The following CNTNAP5 variants were observed in gnomAD, a reference collection of about 807,000 sequenced individuals.
The protein encoded by CNTNAP5 is contactin-associated protein-like 5.
In CNTNAP5, 72 loss-of-function variants were observed where a neutral mutation model predicts 150.2. That is an observed-to-expected ratio of 0.48 (90% CI 0.40 to 0.58). The LOEUF (loss-of-function observed/expected upper bound fraction) is 0.58, where lower values mean the gene tolerates loss of function less well. Ranked by LOEUF, CNTNAP5 falls within the 20% of genes least tolerant of loss-of-function variation. The pLI, the probability that CNTNAP5 is intolerant of heterozygous loss-of-function variation, is 0.00. For synonymous variants in CNTNAP5, 672 were observed against 619.8 expected (o/e 1.08, Z -1.25); for missense variants, 1,636 against 1,626.2 (o/e 1.01, Z -0.10).
At chr2:124,772,337 T>C (rs902371712) in intron 16 of CNTNAP5, among the ~76,000 whole-genome samples, 24 of 152,274 alleles carry the variant, frequency 1.6e-4, no homozygotes, top group African/African-American at 5.1e-4. Context: ...TTCTGAGCTT[T>C]TTTCATTATG....
intron 10 of CNTNAP5, among the ~76,000 whole-genome samples, chr2:124,557,422 G>T (rs1049432976): frequency 3.3e-5 from 5 of 152,120 alleles, no homozygotes; most frequent in African/African-American, 1.2e-4. Context: ...AATAGTAAAT[G>T]GGTGAAGGCC....
chr2:124,554,422 C>CCT (rs1553479029), intron 10 of CNTNAP5, among the ~76,000 whole-genome samples: 1 of 137,132 alleles, frequency 7.3e-6, no homozygotes, highest in African/African-American at 2.7e-5. Context: ...ATACTTTTTT[C>CCT]TTTTTTTTTT....
chr2:124,691,909 C>A (rs1277066704), intron 13 of CNTNAP5, among the ~76,000 whole-genome samples: 1 of 152,138 alleles, frequency 6.6e-6, no homozygotes, highest in Non-Finnish European at 1.5e-5. Flanking sequence ...TCCCCATGAG[C>A]CTAGGCTGCC....
intron 13 of CNTNAP5, among the ~76,000 whole-genome samples, chr2:124,685,756 G>GTA: frequency 7.9e-6 from 1 of 126,578 alleles, no homozygotes; most frequent in African/African-American, 2.9e-5. Flanking sequence ...GTGTGTGTGT[G>GTA]TGTGTGCGCG....
In CNTNAP5 at chr2:124,243,256, C is replaced by T. The variant is rs72962842; in HGVS notation, c.381+863C>T. Among the ~76,000 whole-genome samples, 1,286 of 152,182 alleles carry T rather than the reference C, an allele frequency of 8.5e-3. 17 individuals are homozygous for T. Among genetic ancestry groups the T allele is most frequent in the African/African-American group, 0.029 (1,205 of 41,520 alleles). ...CAAATGTGTGTAAAATGTGAAGATA[C>T]GGAAATTAATAGCATATTCTTTCCT... On this transcript the variant is annotated intron_variant, in intron 3 of 23. Transcript: ENST00000682447.
At chr2:124,869,118 T>G (rs1049124110) in intron 20 of CNTNAP5, among the ~76,000 whole-genome samples, 1 of 152,168 alleles carries the variant, frequency 6.6e-6, no homozygotes, top group Non-Finnish European at 1.5e-5. Flanking sequence ...ATCGTCCATG[T>G]TGGTTGCAGC....
chr2:124,828,801 T>C (rs533237125), intron 19 of CNTNAP5, among the ~76,000 whole-genome samples: 1 of 145,132 alleles, frequency 6.9e-6, no homozygotes, highest in Non-Finnish European at 1.5e-5. Context: ...AAAGTAAGTT[T>C]TGTTCAAAAG....
At chr2:124,043,269 C>T (rs1029652605) in intron 1 of CNTNAP5, among the ~76,000 whole-genome samples, 2 of 152,142 alleles carry the variant, frequency 1.3e-5, no homozygotes, top group African/African-American at 4.8e-5. Context: ...TTCTATTTTA[C>T]TTAACCTCCT....
chr2:124,252,410 T>A (rs1227426024), intron 3 of CNTNAP5, among the ~76,000 whole-genome samples: 1 of 152,160 alleles, frequency 6.6e-6, no homozygotes, highest in East Asian at 1.9e-4. Context: ...TAGGTGTATA[T>A]AGGTTAGTTC....
At chr2:124,053,262 A>G (rs1043079072) in intron 1 of CNTNAP5, among the ~76,000 whole-genome samples, 1 of 152,224 alleles carries the variant, frequency 6.6e-6, no homozygotes, top group Non-Finnish European at 1.5e-5. Flanking sequence ...ACCAAAAATC[A>G]TCAGATTCAG....
intron 3 of CNTNAP5, among the ~76,000 whole-genome samples, chr2:124,407,720 G>C (rs1224330530): frequency 6.6e-6 from 1 of 152,112 alleles, no homozygotes; most frequent in African/African-American, 2.4e-5. Flanking sequence ...AGATCATCTG[G>C]GTTCTAGGTG....
rs1175883350 is a variant in CNTNAP5 at position 124,832,950 on chromosome 2, T to TC, written c.3218-32351dup. 3.3e-5 allele frequency among the ~76,000 whole-genome samples: 5 copies of TC among 150,800 alleles called. No individual in the cohort carries two copies. In the East Asian group the frequency reaches 9.7e-4, roughly 29 times the overall value. On this transcript the variant is annotated intron_variant, in intron 19 of 23. Coordinates refer to ENST00000682447, the MANE Select transcript of CNTNAP5 (RefSeq NM_001367498.1). ...TTTTTTGAGACAGGGTCTGCCTCTGTCCCCCAGGCTGGAGAGTGGCACAAT... is the reference window on the plus strand; with the variant it reads ...TTTTTTGAGACAGGGTCTGCCTCTGTCCCCCCAGGCTGGAGAGTGGCACAAT...
rs1043104038 is a variant in CNTNAP5 at position 124,648,064 on chromosome 2, T to C, written c.2077+106T>C. 3.1e-6 allele frequency: 3 copies of C among 977,116 alleles called. No homozygotes were observed. In the African/African-American group the frequency reaches 4.9e-5, roughly 16 times the overall value. The allele number at this position is 977,116 out of a possible 1,614,324, so 60.5% of individuals were successfully genotyped here. A position where few individuals can be genotyped will look rare whatever the true frequency, so the allele number is the denominator to read the frequency against. On this transcript the variant is annotated intron_variant, in intron 13 of 23. Coordinates refer to ENST00000682447, the MANE Select transcript of CNTNAP5 (RefSeq NM_001367498.1). ...AGAAGGGGGCTATAGTTACAGTTAG[T>C]CACTGTGCACTCGAGAGAAACACAA...
intron 3 of CNTNAP5, among the ~76,000 whole-genome samples, chr2:124,384,524 T>C (rs1690882336): frequency 6.6e-6 from 1 of 152,194 alleles, no homozygotes; most frequent in Admixed American, 6.5e-5. Context: ...GTTCTTTAGA[T>C]ATGCTCCATT....
At chr2:124,455,033 A>C (rs1397533700) in intron 6 of CNTNAP5, among the ~76,000 whole-genome samples, 1 of 152,154 alleles carries the variant, frequency 6.6e-6, no homozygotes, top group South Asian at 2.1e-4. Context: ...GAAGAAAGGA[A>C]ATAACAAAGA....
At chr2:124,781,219 C>T (rs1472664741) in intron 17 of CNTNAP5, among the ~76,000 whole-genome samples, 1 of 152,160 alleles carries the variant, frequency 6.6e-6, no homozygotes, top group Non-Finnish European at 1.5e-5. Context: ...TAAATAAGAT[C>T]CATTCACTCT....
At chr2:124,526,799 C>T (rs1192984381) in intron 9 of CNTNAP5, among the ~76,000 whole-genome samples, 1 of 152,160 alleles carries the variant, frequency 6.6e-6, no homozygotes, top group African/African-American at 2.4e-5. Context: ...TTCTCAGGAA[C>T]TAAGCCTGTT....
chr2:124,428,494 C>T (rs905447017), intron 4 of CNTNAP5, among the ~76,000 whole-genome samples: 1 of 152,204 alleles, frequency 6.6e-6, no homozygotes, highest in Non-Finnish European at 1.5e-5. Context: ...GGGCATTGTA[C>T]CTCTACCATA....
chr2:124,371,765 T>A (rs994272327), intron 3 of CNTNAP5, among the ~76,000 whole-genome samples: 3 of 152,052 alleles, frequency 2.0e-5, no homozygotes, highest in African/African-American at 7.2e-5. Flanking sequence ...TCTTAGCCAA[T>A]GGGTAGGGAA....
Sources: gnomAD v4.1 joint callset for allele counts (sites outside exome capture counted in the v4.1 genomes callset) on GRCh38, gnomAD v4.1.1 for gene constraint, MANE v1.5 for transcripts, NCBI Gene and HGNC (gene_info 2026-07-23, HGNC 2026-07-21) for gene names.